The following CNTNAP2 variants were observed in gnomAD, a reference collection of about 807,000 sequenced individuals.
The protein encoded by CNTNAP2 is contactin-associated protein-like 2.
CNTNAP2 carries 98 observed loss-of-function variants against 155.2 expected under a neutral mutation model. That is an observed-to-expected ratio of 0.63 (90% confidence interval 0.54 to 0.75). CNTNAP2 has a LOEUF of 0.75. Ranked by LOEUF, CNTNAP2 falls within the 30% of genes least tolerant of loss-of-function variation. CNTNAP2 has a pLI of 0.00. For synonymous variants in CNTNAP2, 651 were observed against 631.2 expected (o/e 1.03, Z -0.47); for missense variants, 1,727 against 1,688.1 (o/e 1.02, Z -0.40).
intron 9 of CNTNAP2, among the ~76,000 whole-genome samples, chr7:147,368,311 G>A (rs1166439605): frequency 6.6e-6 from 1 of 152,036 alleles, no homozygotes. Context: ...GAAGGAGGTA[G>A]AGGACAATTG....
rs1184806375 is a variant in CNTNAP2, at chr7:147,552,726, T to C, written c.1778-9412T>C. Among the ~76,000 whole-genome samples the C allele has an allele frequency of 3.9e-5, 6 of 152,266 alleles. No homozygotes were observed. The East Asian group carries it at 7.7e-4, about 20-fold the overall frequency. On this transcript the variant is annotated intron_variant, in intron 11 of 23. Coordinates refer to ENST00000361727, the MANE Select transcript of CNTNAP2 (RefSeq NM_014141.6). ...GAATAAAATACGCCTTCTTCCTCCA[T>C]AATATCAGTAGAAACAATTCAGCAC...
At chr7:148,411,806 T>C (rs1282624194) in intron 23 of CNTNAP2, among the ~76,000 whole-genome samples, 1 of 152,122 alleles carries the variant, frequency 6.6e-6, no homozygotes, top group East Asian at 1.9e-4. Context: ...ACTATACTTT[T>C]CCTCAATTGA....
chr7:146,915,286 G>A (rs1031572213), intron 3 of CNTNAP2, among the ~76,000 whole-genome samples: 1 of 152,004 alleles, frequency 6.6e-6, no homozygotes, highest in Non-Finnish European at 1.5e-5. Flanking sequence ...TCTTGCTTTG[G>A]CTGTGCAGAT....
chr7:147,223,646 A>G (rs1803455364), intron 8 of CNTNAP2, among the ~76,000 whole-genome samples: 1 of 152,168 alleles, frequency 6.6e-6, no homozygotes, highest in South Asian at 2.1e-4. Flanking sequence ...ATTTACAGCT[A>G]TTAAGAACTA....
In CNTNAP2 at chr7:147,284,504, A is replaced by G. The variant is rs1805133253; in HGVS notation, c.1349-15637A>G. On this transcript the variant is annotated intron_variant, in intron 8 of 23. Coordinates refer to ENST00000361727, the MANE Select transcript of CNTNAP2 (RefSeq NM_014141.6). Reference sequence around the variant, plus strand: ...TGACTTATGCACATGATGCCAACCCATGAAACCATATTAATAACAAATCAA... The same window carrying G: ...TGACTTATGCACATGATGCCAACCCGTGAAACCATATTAATAACAAATCAA... Among the ~76,000 whole-genome samples the G allele has an allele frequency of 5.9e-5, 9 of 152,030 alleles. No homozygotes were observed. The South Asian group carries it at 1.9e-3, about 32-fold the overall frequency.
chr7:146,627,594 A>G (rs1315817848), intron 1 of CNTNAP2, among the ~76,000 whole-genome samples: 1 of 152,134 alleles, frequency 6.6e-6, no homozygotes, highest in Non-Finnish European at 1.5e-5. Flanking sequence ...CGTAGGTACT[A>G]TTGAGAGTAG....
intron 1 of CNTNAP2, among the ~76,000 whole-genome samples, chr7:146,445,633 T>A (rs1017518848): frequency 6.6e-6 from 1 of 152,194 alleles, no homozygotes; most frequent in Admixed American, 6.5e-5. Context: ...TTCTTTTTGC[T>A]GTTTATGTGC....
intron 13 of CNTNAP2, among the ~76,000 whole-genome samples, chr7:147,880,313 T>C (rs760827675): frequency 6.6e-5 from 10 of 152,176 alleles, no homozygotes; most frequent in Non-Finnish European, 1.3e-4. Flanking sequence ...GATGGATGGA[T>C]TTGGGCTATT....
rs572682221 is a variant in CNTNAP2, at chr7:146,308,796, G to A, written c.97+191823G>A. Among the ~76,000 whole-genome samples the A allele has an allele frequency of 2.0e-5, 3 of 152,152 alleles. No individual in the cohort carries two copies. In the South Asian group the frequency reaches 6.2e-4, roughly 32 times the overall value. On this transcript the variant is annotated intron_variant, in intron 1 of 23. Coordinates refer to ENST00000361727, the MANE Select transcript of CNTNAP2 (RefSeq NM_014141.6). The stretch of plus-strand genomic sequence containing the variant: ...GAACAATAAAAACACTTGGACACAC[G>A]GCGGGGAACATCACATACCGGGGCC...
At chr7:148,028,115 T>A (rs1332647843) in intron 15 of CNTNAP2, among the ~76,000 whole-genome samples, 1 of 152,172 alleles carries the variant, frequency 6.6e-6, no homozygotes, top group Non-Finnish European at 1.5e-5. Context: ...TGAACTAAAG[T>A]TTTTTTACAC....
chr7:146,932,327 G>C (rs1417124576), intron 3 of CNTNAP2, among the ~76,000 whole-genome samples: 4 of 151,200 alleles, frequency 2.6e-5, no homozygotes, highest in Non-Finnish European at 5.9e-5. Flanking sequence ...CAGAACCAAA[G>C]ACAAAAACCA....
intron 1 of CNTNAP2, among the ~76,000 whole-genome samples, chr7:146,392,333 CAGAA>C (rs1795556809): frequency 6.6e-6 from 1 of 151,816 alleles, no homozygotes; most frequent in Non-Finnish European, 1.5e-5. Flanking sequence ...TGAGAAGTAT[CAGAA>C]AGTAGAGATG....
chr7:147,806,837 A>G (rs1798098772), intron 13 of CNTNAP2, among the ~76,000 whole-genome samples: 2 of 152,152 alleles, frequency 1.3e-5, no homozygotes, highest in African/African-American at 4.8e-5. Flanking sequence ...TGGTTACCAG[A>G]CTTTAGGAAG....
chr7:146,751,722 T>C (rs989954230), intron 1 of CNTNAP2, among the ~76,000 whole-genome samples: 1 of 152,076 alleles, frequency 6.6e-6, no homozygotes, highest in African/African-American at 2.4e-5. Context: ...ATCCGTCATG[T>C]AGGTTTTAAG....
At chr7:146,572,634 A>C (rs1228915359) in intron 1 of CNTNAP2, among the ~76,000 whole-genome samples, 1 of 152,182 alleles carries the variant, frequency 6.6e-6, no homozygotes, top group Non-Finnish European at 1.5e-5. Context: ...GGGAGTTTCA[A>C]TAACATTTTT....
chr7:146,910,761 T>C (rs1161247443), intron 3 of CNTNAP2, among the ~76,000 whole-genome samples: 9 of 147,974 alleles, frequency 6.1e-5, no homozygotes, highest in Admixed American at 1.3e-4. Context: ...ACTTCATGTC[T>C]AAAACACCAA....
chr7:146,683,102 C>T (rs1046222677), intron 1 of CNTNAP2, among the ~76,000 whole-genome samples: 18 of 152,246 alleles, frequency 1.2e-4, no homozygotes, highest in Admixed American at 1.1e-3. Context: ...GGCAGGATCT[C>T]AGCTCACTGC....
chr7:147,999,332 T>A (rs1296522225), intron 15 of CNTNAP2, among the ~76,000 whole-genome samples: 2 of 152,158 alleles, frequency 1.3e-5, no homozygotes, highest in Non-Finnish European at 2.9e-5. Flanking sequence ...CACCTCGGCC[T>A]CCCAAAGTGC....
chr7:146,281,827 T>G (rs1800256719), intron 1 of CNTNAP2, among the ~76,000 whole-genome samples: 1 of 152,122 alleles, frequency 6.6e-6, no homozygotes, highest in South Asian at 2.1e-4. Context: ...TTCTTTAGGT[T>G]TCCTTACTTG....
Sources: allele counts gnomAD v4.1 joint callset (sites outside exome capture counted in the v4.1 genomes callset), GRCh38; gene constraint gnomAD v4.1.1; transcripts MANE v1.5; gene names NCBI Gene and HGNC (gene_info 2026-07-23, HGNC 2026-07-21).